The following CYB5R3 variants were observed in gnomAD, a reference collection of about 807,000 sequenced individuals.
The protein encoded by CYB5R3 is cytochrome b5 reductase 3.
Under a neutral mutation model 36.5 loss-of-function variants are expected in CYB5R3, and 28 were observed. That is an observed-to-expected ratio of 0.77 (90% CI 0.57 to 1.05). The LOEUF is 1.05. Ranked by LOEUF, CYB5R3 falls within the 50% of genes least tolerant of loss-of-function variation. The pLI is 0.00. For synonymous variants in CYB5R3, 181 were observed against 159.8 expected (o/e 1.13, Z -1.00); for missense variants, 474 against 408.9 (o/e 1.16, Z -1.37).
chr22:42,638,129 C>T (rs1434374568), intron 1 of CYB5R3, among the ~76,000 whole-genome samples: 1 of 151,958 alleles, frequency 6.6e-6, no homozygotes, highest in African/African-American at 2.4e-5. Context: ...GGTGCAGTGG[C>T]TCACGCCTAT....
chr22:42,631,615 A>G (rs1050652629), intron 2 of CYB5R3, 165 bp from the exon 3 acceptor site: 3 of 686,844 alleles, frequency 4.4e-6, no homozygotes, highest in Non-Finnish European at 5.3e-6. Flanking sequence ...ACAGATGCAC[A>G]CACATGCACG....
At position 42,630,993 on chromosome 22, in the gene CYB5R3, A is replaced by G. The variant is rs1928586235; in HGVS notation, c.227-5T>C. On this transcript the variant is annotated splice_region_variant and splice_polypyrimidine_tract_variant and intron_variant, in intron 3 of 8. Transcript: ENST00000352397. ...CCGAGAGGTAGATGTGCTGGCCTGC[A>G]GGACAGAACGGGGTCACTCTGGGCC... 1.2e-6 allele frequency: 2 copies of G among 1,613,106 alleles called. No individual in the cohort carries two copies. The highest frequency in any genetic ancestry group is 3.3e-5 in the Admixed American group (2 of 59,948).
chr22:42,628,295 C>T lies in CYB5R3; in HGVS notation c.334-14G>A, dbSNP rs1239967570. On this transcript the variant is annotated splice_polypyrimidine_tract_variant and intron_variant, in intron 4 of 8. Transcript: ENST00000352397. The stretch of plus-strand genomic sequence containing the variant: ...CTTGAAGTAAACCTGCAAGACACCC[C>T]CGCAGCCCTCAGTCCCCAGCTCCAG... 3.1e-6 allele frequency: 5 copies of T among 1,613,148 alleles called. No homozygotes were observed. Among genetic ancestry groups the T allele is most frequent in the South Asian group, 1.1e-5 (1 of 91,010 alleles).
At chr22:42,641,913 T>C (rs1409958418) in intron 1 of CYB5R3, among the ~76,000 whole-genome samples, 1 of 152,180 alleles carries the variant, frequency 6.6e-6, no homozygotes, top group Non-Finnish European at 1.5e-5. Context: ...CATGAGCCAC[T>C]GCACCCAGCC....
At position 42,640,048 on chromosome 22, in the gene CYB5R3, T is replaced by C. The variant is rs748638349; in HGVS notation, c.22-3202A>G. 4 of 1,613,790 alleles carry C rather than the reference T, an allele frequency of 2.5e-6. No individual in the cohort carries two copies. The South Asian group carries it at 4.4e-5, about 18-fold the overall frequency. ...CGACACCTCAGTGGCCACCAAACCG[T>C]TCAGCAAAGCTTCCTTAACTGTGAG... On this transcript the variant is annotated intron_variant, in intron 1 of 8. Coordinates refer to ENST00000352397, the MANE Select transcript of CYB5R3 (RefSeq NM_000398.7).
At chr22:42,623,697 C>T (rs1928107977) in intron 8 of CYB5R3, 92 bp downstream of exon 8, 11 of 1,066,632 alleles carry the variant, frequency 1.0e-5, no homozygotes, top group South Asian at 6.3e-5. Context: ...TGCCAGATGT[C>T]GTCCAAAGGC....
intron 8 of CYB5R3, among the ~76,000 whole-genome samples, chr22:42,621,182 T>TTG (rs1219788150): frequency 5.7e-4 from 60 of 105,076 alleles, no homozygotes; most frequent in South Asian, 1.7e-3. Context: ...GATTTCTTTT[T>TTG]AGTGTGTGTG....
At chr22:42,628,416 TC>T in intron 4 of CYB5R3, 135 bp from the exon 5 acceptor site, 1 of 1,137,322 alleles carries the variant, frequency 8.8e-7, no homozygotes, top group Non-Finnish European at 1.3e-6. Context: ...TGGAGCCCCA[TC>T]CACCCAGCCG....
rs760232277 is a variant in CYB5R3, at chr22:42,630,848, C to A, written c.333+34G>T. On this transcript the variant is annotated intron_variant, in intron 4 of 8. Transcript: ENST00000352397. Reference sequence around the variant, plus strand: ...GGCTGTTGCCATGGCCACCCACCCACACCCCCTCCACAGTCATGACCCAGA... The same window carrying A: ...GGCTGTTGCCATGGCCACCCACCCAAACCCCCTCCACAGTCATGACCCAGA... 3 of 1,570,174 alleles carry A rather than the reference C, an allele frequency of 1.9e-6. No homozygotes were observed. The African/African-American group carries it at 4.0e-5, about 21-fold the overall frequency.
chr22:42,623,741 G>A (rs745639898), intron 8 of CYB5R3, 48 bp downstream of exon 8: 2 of 1,500,888 alleles, frequency 1.3e-6, no homozygotes, highest in Admixed American at 3.3e-5. Flanking sequence ...AAGGTGAACT[G>A]TGGGCTGGCA....
chr22:42,625,418 C>G (rs1928211417), intron 7 of CYB5R3, among the ~76,000 whole-genome samples: 1 of 152,072 alleles, frequency 6.6e-6, no homozygotes, highest in Non-Finnish European at 1.5e-5. Flanking sequence ...TGAGGCAGGA[C>G]AATCGCTTGA....
intron 4 of CYB5R3, among the ~76,000 whole-genome samples, chr22:42,630,496 C>T (rs926901670): frequency 1.3e-5 from 2 of 152,228 alleles, no homozygotes; most frequent in South Asian, 2.1e-4. Flanking sequence ...GCAGCAGGGG[C>T]GTCTGTACCG....
intron 1 of CYB5R3, among the ~76,000 whole-genome samples, chr22:42,642,302 T>C (rs1463304106): frequency 6.6e-6 from 1 of 152,034 alleles, no homozygotes; most frequent in African/African-American, 2.4e-5. Context: ...TTTGTAGAGA[T>C]GCGGTTTCAC....
intron 1 of CYB5R3, chr22:42,638,985 G>T (rs543180077): frequency 4.7e-5 from 19 of 401,140 alleles, no homozygotes; most frequent in African/African-American, 3.9e-4. Flanking sequence ...AGTGAGCCGA[G>T]ATCGTGCCAT....
In CYB5R3 at chr22:42,627,626, CCA is replaced by C; in HGVS notation, c.524_525del (p.Val175GlyfsTer24). On this transcript the variant is annotated frameshift_variant, in exon 6 of 9. Transcript: ENST00000352397. LOFTEE classifies it high-confidence loss of function. ...SNPIIRTVKSVGMIAGGTGIT... is the reference protein window; with the variant it reads ...SNPIIRTVKSXGMIAGGTGIT... ...GTACCTGTCCCTCCCGCGATCATGC[CCA>C]CAGACTTCACTGTCCTGATGATAGG... The C allele has an allele frequency of 6.2e-7, 1 of 1,614,152 alleles. No individual in the cohort carries two copies. Among genetic ancestry groups the C allele is most frequent in the East Asian group, 2.2e-5 (1 of 44,876 alleles).
chr22:42,631,954 C>T (rs952599485), intron 2 of CYB5R3: 3 of 162,534 alleles, frequency 1.8e-5, no homozygotes, highest in Non-Finnish European at 4.1e-5. Context: ...CTGAGGTGGG[C>T]TTCACAGGGC....
rs150246633 is a variant in CYB5R3 at position 42,637,997 on chromosome 22, C to T, written c.22-1151G>A. The stretch of plus-strand genomic sequence containing the variant: ...GGCATAGTGGCTCCAGCCTGTAATC[C>T]CAACACTCTGAGAGGCGGAGGCAGG... On this transcript the variant is annotated intron_variant, in intron 1 of 8. Coordinates refer to ENST00000352397, the MANE Select transcript of CYB5R3 (RefSeq NM_000398.7). Among the ~76,000 whole-genome samples, 21 of 152,328 alleles carry T rather than the reference C, an allele frequency of 1.4e-4. No individual in the cohort carries two copies. The East Asian group carries it at 4.1e-3, about 29-fold the overall frequency.
Position 42,619,750 on chromosome 22 carries a change from G to A in CYB5R3, c.*23C>T, listed in dbSNP as rs373468746. On this transcript the variant is annotated 3_prime_UTR_variant, in exon 9 of 9. Transcript: ENST00000352397. ...AGGGCGTGGGGTGCGCGGGGCGGGT[G>A]GCCGTGTGACCGTGCCCGGCCCTCA... is the stretch of plus-strand genomic sequence containing the variant. 9.0e-6 allele frequency: 14 copies of A among 1,551,950 alleles called. No homozygotes were observed. In the African/African-American group the frequency reaches 1.6e-4, roughly 18 times the overall value.
chr22:42,644,629 T>C, intron 1 of CYB5R3: 3 of 1,446,364 alleles, frequency 2.1e-6, no homozygotes, highest in Non-Finnish European at 2.7e-6. Flanking sequence ...GGGCAAGTAC[T>C]ATTCCGAGGA....
Sources: allele counts gnomAD v4.1 joint callset (sites outside exome capture counted in the v4.1 genomes callset), GRCh38; gene constraint gnomAD v4.1.1; transcripts MANE v1.5; gene names NCBI Gene and HGNC (gene_info 2026-07-23, HGNC 2026-07-21).